GCC2: variants seen among roughly 807,000 people sequenced by gnomAD.
The protein encoded by GCC2 is GRIP and coiled-coil domain-containing protein 2.
A neutral mutation model predicts 210.6 loss-of-function variants in GCC2; 120 were observed. The ratio of observed to expected loss-of-function variants is 0.57; its 90% confidence interval spans 0.49 to 0.66. The LOEUF is 0.66. Among genes scored for constraint, GCC2 ranks in the 30% least tolerant of loss-of-function variants. The pLI is 0.00. For synonymous variants in GCC2, 703 were observed against 652.7 expected (o/e 1.08, Z -1.17); for missense variants, 1,868 against 1,871.9 (o/e 1.00, Z 0.04).
intron 5 of GCC2, 39 bp downstream of exon 5, chr2:108,469,123 CAT>C (rs1287946220): frequency 2.5e-6 from 3 of 1,192,782 alleles, no homozygotes; most frequent in Admixed American, 1.7e-5. Flanking sequence ...TTTTTATTAA[CAT>C]ATAGTGTAGT....
In GCC2 at chr2:108,495,750, A is replaced by G. The variant is rs188408126; in HGVS notation, c.4642+265A>G. ...TGCAGGCTGAGGAGCAGTGAGAGCC[A>G]GTCCAAGTTCCAAAACTGAAGAACT... is the stretch of plus-strand genomic sequence containing the variant. On this transcript the variant is annotated intron_variant, in intron 20 of 22. Transcript: ENST00000309863. 3.1e-5 allele frequency: 7 copies of G among 229,126 alleles called. No individual in the cohort carries two copies. The East Asian group carries it at 7.7e-4, about 25-fold the overall frequency. 14.2% of individuals were successfully genotyped at this position (229,126 alleles called of 1,614,324 possible).
intron 4 of GCC2, among the ~76,000 whole-genome samples, chr2:108,455,655 TC>T (rs1284588326): frequency 6.6e-6 from 1 of 152,204 alleles, no homozygotes; most frequent in African/African-American, 2.4e-5. Context: ...TTTCAAGTCT[TC>T]TGGCTATTTT....
intron 4 of GCC2, among the ~76,000 whole-genome samples, chr2:108,467,453 C>A (rs1291477963): frequency 6.6e-6 from 1 of 152,028 alleles, no homozygotes; most frequent in Admixed American, 6.6e-5. Flanking sequence ...AAAACCATTT[C>A]TTTTTTAATC....
intron 15 of GCC2, 88 bp downstream of exon 15, chr2:108,485,996 C>T (rs1369366786): frequency 6.5e-6 from 4 of 613,598 alleles, no homozygotes; most frequent in African/African-American, 3.8e-5. Flanking sequence ...TATCCTATAA[C>T]GATATCTAGA....
At chr2:108,473,092 G>C (rs1681325815) in intron 7 of GCC2, 193 bp downstream of exon 7, 2 of 468,756 alleles carry the variant, frequency 4.3e-6, no homozygotes, top group Non-Finnish European at 7.5e-6. Flanking sequence ...ACTTTCTATT[G>C]TTTAACCCAA....
intron 9 of GCC2, among the ~76,000 whole-genome samples, chr2:108,478,015 CTACAAAGGAAAAGAT>C (rs889084080): frequency 1.1e-4 from 16 of 152,214 alleles, no homozygotes; most frequent in East Asian, 5.8e-4. Context: ...CACTGCACCC[CTACAAAGGAAAAGAT>C]TACAAAGGAA....
At chr2:108,484,569 C>T (rs549659719) in intron 13 of GCC2, 3 of 175,760 alleles carry the variant, frequency 1.7e-5, no homozygotes, top group Admixed American at 6.3e-5. Flanking sequence ...ACGTTTAAAT[C>T]TTTAATCCAT....
rs531986887 is a variant in GCC2, at chr2:108,485,199, A to T, written c.3614-437A>T. Among the ~76,000 whole-genome samples, 87 of 151,664 alleles carry T rather than the reference A, an allele frequency of 5.7e-4. No individual in the cohort carries two copies. In the South Asian group the frequency reaches 8.8e-3, roughly 15 times the overall value. ...GGTGGGGGGAGTGGGGAGGGATAGC[A>T]TTGGGAGATATACCTAATGCTAGAT... On this transcript the variant is annotated intron_variant, in intron 13 of 22. Transcript: ENST00000309863.
intron 18 of GCC2, among the ~76,000 whole-genome samples, chr2:108,492,216 TATG>T (rs570229022): frequency 1.3e-5 from 2 of 151,570 alleles, no homozygotes; most frequent in East Asian, 2.0e-4. Flanking sequence ...AGTTACCACA[TATG>T]ATGATGTGAA....
intron 4 of GCC2, among the ~76,000 whole-genome samples, chr2:108,459,089 TCA>T (rs1329082188): frequency 6.6e-6 from 1 of 152,176 alleles, no homozygotes; most frequent in Non-Finnish European, 1.5e-5. Flanking sequence ...TTTTGTTGTA[TCA>T]CACAGGTTTT....
intron 19 of GCC2, chr2:108,493,810 G>T: frequency 1.0e-6 from 1 of 985,400 alleles, no homozygotes. Flanking sequence ...ATCAGCCAGG[G>T]CAAAGGTCGC....
At chr2:108,483,284 CAT>C in intron 12 of GCC2, 118 bp downstream of exon 12, 3 of 602,738 alleles carry the variant, frequency 5.0e-6, no homozygotes, top group Non-Finnish European at 8.9e-6. Flanking sequence ...AGTGCAGTGG[CAT>C]GATCTCGGCT....
At chr2:108,490,750 C>T (rs1265163392) in intron 18 of GCC2, among the ~76,000 whole-genome samples, 1 of 152,188 alleles carries the variant, frequency 6.6e-6, no homozygotes, top group Non-Finnish European at 1.5e-5. Flanking sequence ...AGTTTTCTAA[C>T]TGCCTATCAC....
intron 4 of GCC2, among the ~76,000 whole-genome samples, chr2:108,460,001 T>C (rs2049150): frequency 0.61 from 91,873 of 151,212 alleles, 28,585 homozygotes; most frequent in East Asian, 0.96. Context: ...AGCCATCTGC[T>C]ACCATGCCCA....
chr2:108,500,242 C>T (rs1303370116), intron 22 of GCC2, among the ~76,000 whole-genome samples: 11 of 152,230 alleles, frequency 7.2e-5, no homozygotes, highest in East Asian at 1.9e-4. Context: ...GGCCAGGTGC[C>T]GGTGGTTCAC....
chr2:108,455,477 C>T (rs1447974526), intron 4 of GCC2, among the ~76,000 whole-genome samples: 1 of 151,938 alleles, frequency 6.6e-6, no homozygotes, highest in Non-Finnish European at 1.5e-5. Context: ...CCAACTTTAC[C>T]TTTAAGGTTT....
rs904761929 is a variant in GCC2 at position 108,449,397 on chromosome 2, G to A, written c.6+117G>A. 7 of 1,455,752 alleles carry A rather than the reference G, an allele frequency of 4.8e-6. No homozygotes were observed. The South Asian group carries it at 6.8e-5, about 14-fold the overall frequency. The allele number at this position is 1,455,752 out of a possible 1,614,324, so 90.2% of individuals were successfully genotyped here. Reference sequence around the variant, plus strand: ...TCCCTCTTGGTGTCCCGAAGCCCGCGCTGCTGTCGCCTCCCCATCTTTCGT... The same window carrying A: ...TCCCTCTTGGTGTCCCGAAGCCCGCACTGCTGTCGCCTCCCCATCTTTCGT... On this transcript the variant is annotated intron_variant, in intron 1 of 22. Transcript: ENST00000309863.
Position 108,470,126 on chromosome 2 carries a change from A to T in GCC2, c.797A>T (p.His266Leu), listed in dbSNP as rs748339477. 1.9e-6 allele frequency: 3 copies of T among 1,613,720 alleles called. No homozygotes were observed. Among genetic ancestry groups the T allele is most frequent in the Admixed American group, 1.7e-5 (1 of 60,002 alleles). ...CAGATTGAAGCATCAGCTAAGGAACATGAAGCAGAGATAAATAAGTTGAAC... is the reference window on the plus strand; with the variant it reads ...CAGATTGAAGCATCAGCTAAGGAACTTGAAGCAGAGATAAATAAGTTGAAC... ...MCQIEASAKE[H>L]EAEINKLNEL... is the part of the protein sequence containing the mutation. Residue 266 changes from histidine (H) to leucine (L), a missense_variant, in exon 6 of 23, where the codon CAT (histidine) becomes CTT (leucine). Around this residue, in one of 3 missense-constraint regions of GCC2, gnomAD observed 1,847 missense variants for 1,765.2 expected, o/e 1.05. Coordinates refer to ENST00000309863, the MANE Select transcript of GCC2 (RefSeq NM_181453.4).
intron 4 of GCC2, among the ~76,000 whole-genome samples, chr2:108,459,854 T>C (rs7600214): frequency 0.22 from 33,124 of 147,492 alleles, 4,101 homozygotes; most frequent in African/African-American, 0.32. Context: ...CGCTTGAACC[T>C]GGAATGCAGA....
Sources: allele counts gnomAD v4.1 joint callset (sites outside exome capture counted in the v4.1 genomes callset), GRCh38; gene constraint gnomAD v4.1.1; regional missense constraint gnomAD v4.1.1; transcripts MANE v1.5; gene names NCBI Gene and HGNC (gene_info 2026-07-23, HGNC 2026-07-21).